The following CACNA1E variants were observed in gnomAD, a reference collection of about 807,000 sequenced individuals.
CACNA1E encodes voltage-dependent R-type calcium channel subunit alpha-1E.
A neutral mutation model predicts 259.2 loss-of-function variants in CACNA1E; 40 were observed. That is an observed-to-expected ratio of 0.15 (90% confidence interval 0.12 to 0.20). The LOEUF is 0.20. Ranked by LOEUF, CACNA1E falls within the 10% of genes least tolerant of loss-of-function variation. CACNA1E has a pLI of 1.00. For synonymous variants in CACNA1E, 1,104 were observed against 1,138.5 expected (o/e 0.97, Z 0.61); for missense variants, 1,874 against 3,040.1 (o/e 0.62, Z 9.02).
At chr1:181,397,115 AC>A (rs1484938268) in intron 1 of CACNA1E, among the ~76,000 whole-genome samples, 1 of 152,140 alleles carries the variant, frequency 6.6e-6, no homozygotes, top group Non-Finnish European at 1.5e-5. Context: ...AGGCAACCAA[AC>A]AGACCTTCAC....
At chr1:181,621,118 C>T (rs1655685403) in intron 6 of CACNA1E, among the ~76,000 whole-genome samples, 2 of 152,192 alleles carry the variant, frequency 1.3e-5, no homozygotes, top group South Asian at 4.1e-4. Context: ...TCACACTGAA[C>T]AGAGTGGAAG....
Position 181,666,721 on chromosome 1 carries a change from T to C in CACNA1E, c.1055+15280T>C, listed in dbSNP as rs546169563. On this transcript the variant is annotated intron_variant, in intron 7 of 47. Coordinates refer to ENST00000367573, the MANE Select transcript of CACNA1E (RefSeq NM_001205293.3). ...TACAGGAACCAAATATATATATATA[T>C]ACACACACACACACGACATATATTG... Among the ~76,000 whole-genome samples the C allele has an allele frequency of 3.0e-3, 448 of 151,124 alleles. 1 individual carries two copies. The highest frequency in any genetic ancestry group is 5.2e-3 in the Non-Finnish European group (349 of 67,622).
intron 11 of CACNA1E, 110 bp downstream of exon 11, chr1:181,717,412 C>G: frequency 1.2e-6 from 1 of 854,772 alleles, no homozygotes; most frequent in Non-Finnish European, 2.0e-6. Flanking sequence ...GGTTCTACCT[C>G]TTCACGCTGT....
At chr1:181,651,021 T>C in intron 6 of CACNA1E, among the ~76,000 whole-genome samples, 1 of 152,234 alleles carries the variant, frequency 6.6e-6, no homozygotes, top group East Asian at 1.9e-4. Flanking sequence ...CATTACCAAA[T>C]GCTATAAAAC....
chr1:181,437,271 A>G (rs1356145869), intron 2 of CACNA1E, among the ~76,000 whole-genome samples: 1 of 151,912 alleles, frequency 6.6e-6, no homozygotes, highest in Admixed American at 6.6e-5. Context: ...TTTGCTCTTG[A>G]TCTCATTCTT....
At chr1:181,621,199 C>T (rs1655693022) in intron 6 of CACNA1E, among the ~76,000 whole-genome samples, 1 of 152,198 alleles carries the variant, frequency 6.6e-6, no homozygotes, top group East Asian at 1.9e-4. Flanking sequence ...GAATGTCAAA[C>T]CAAGGACTTA....
At chr1:181,481,196 C>A (rs1446668488), upstream of CACNA1E, among the ~76,000 whole-genome samples, 3 of 152,134 alleles carry the variant, frequency 2.0e-5, no homozygotes, top group Non-Finnish European at 4.4e-5. Flanking sequence ...ATCAAAGTAA[C>A]AATTACAGCT....
intron 6 of CACNA1E, among the ~76,000 whole-genome samples, chr1:181,605,892 C>T (rs2103086248): frequency 6.6e-6 from 1 of 152,272 alleles, no homozygotes; most frequent in South Asian, 2.1e-4. Flanking sequence ...TGGATATAAA[C>T]TTGGGGGTAA....
chr1:181,349,367 C>T (rs776169493), intron 1 of CACNA1E, among the ~76,000 whole-genome samples: 3 of 152,162 alleles, frequency 2.0e-5, no homozygotes, highest in African/African-American at 7.2e-5. Context: ...GAGGAAGCCT[C>T]GGGGAGCCCC....
At chr1:181,619,372 T>C (rs2103155583) in intron 6 of CACNA1E, among the ~76,000 whole-genome samples, 1 of 152,100 alleles carries the variant, frequency 6.6e-6, no homozygotes, top group South Asian at 2.1e-4. Flanking sequence ...AAGGAGGGTG[T>C]CTAGAGAGGT....
chr1:181,435,445 T>A (rs1448950740), intron 2 of CACNA1E, among the ~76,000 whole-genome samples: 3 of 152,226 alleles, frequency 2.0e-5, no homozygotes, highest in Non-Finnish European at 4.4e-5. Flanking sequence ...TACTCACACT[T>A]AGCTTTAGCC....
At chr1:181,570,995 A>G (rs1044384454) in intron 3 of CACNA1E, among the ~76,000 whole-genome samples, 2 of 152,156 alleles carry the variant, frequency 1.3e-5, no homozygotes, top group African/African-American at 2.4e-5. Context: ...TCTTCTCAGT[A>G]TACCTTTTTG....
At chr1:181,611,201 C>T (rs890789016) in intron 6 of CACNA1E, among the ~76,000 whole-genome samples, 2 of 152,166 alleles carry the variant, frequency 1.3e-5, no homozygotes, top group African/African-American at 4.8e-5. Flanking sequence ...GTAAAATTCT[C>T]CACCCCCATC....
chr1:181,346,611 G>A (rs1652610413), intron 1 of CACNA1E, among the ~76,000 whole-genome samples: 1 of 152,278 alleles, frequency 6.6e-6, no homozygotes, highest in African/African-American at 2.4e-5. Flanking sequence ...CTGGGGCAGG[G>A]TTCCATTCCC....
At chr1:181,409,114 T>C (rs1657668255) in intron 1 of CACNA1E, among the ~76,000 whole-genome samples, 1 of 152,190 alleles carries the variant, frequency 6.6e-6, no homozygotes, top group African/African-American at 2.4e-5. Context: ...ACACAGTCAT[T>C]CCCATTCATT....
chr1:181,686,344 T>C (rs1650571652), intron 7 of CACNA1E, among the ~76,000 whole-genome samples: 1 of 128,152 alleles, frequency 7.8e-6, no homozygotes. Context: ...TGGAGTGCAA[T>C]GATGCGATCT....
rs114997531 is a variant in CACNA1E at position 181,495,664 on chromosome 1, A to G, written c.266+11654A>G. Among the ~76,000 whole-genome samples the G allele has an allele frequency of 7.1e-3, 1,081 of 152,178 alleles. 10 individuals are homozygous for G. The highest frequency in any genetic ancestry group is 0.022 in the African/African-American group (904 of 41,502). On this transcript the variant is annotated intron_variant, in intron 1 of 47. Coordinates refer to ENST00000367573, the MANE Select transcript of CACNA1E (RefSeq NM_001205293.3). ...CCAGATAATGTTTACGTGACCTTGCATTGGTTTCATCACCTCCCTGAGCCT... is the reference window on the plus strand; with the variant it reads ...CCAGATAATGTTTACGTGACCTTGCGTTGGTTTCATCACCTCCCTGAGCCT...
intron 3 of CACNA1E, among the ~76,000 whole-genome samples, chr1:181,512,558 T>C (rs1050885094): frequency 2.6e-5 from 4 of 152,190 alleles, no homozygotes; most frequent in Admixed American, 6.5e-5. Flanking sequence ...GATAAAGTCT[T>C]AGAAGGAAGG....
At chr1:181,371,524 G>A (rs976217859) in intron 1 of CACNA1E, among the ~76,000 whole-genome samples, 4 of 152,048 alleles carry the variant, frequency 2.6e-5, no homozygotes, top group Non-Finnish European at 4.4e-5. Flanking sequence ...ATCCTGCCTT[G>A]GCCTCCCAAA....
Sources: allele counts gnomAD v4.1 joint callset (sites outside exome capture counted in the v4.1 genomes callset), GRCh38; gene constraint gnomAD v4.1.1; transcripts MANE v1.5; gene names NCBI Gene and HGNC (gene_info 2026-07-23, HGNC 2026-07-21).